The following CCDC62 variants were observed in gnomAD, a reference collection of about 807,000 sequenced individuals.
CCDC62 encodes coiled-coil domain-containing protein 62.
Under a neutral mutation model 80.8 loss-of-function variants are expected in CCDC62, and 72 were observed. The ratio of observed to expected loss-of-function variants is 0.89; its 90% CI spans 0.74 to 1.08. CCDC62 has a LOEUF of 1.08. Among genes scored for constraint, CCDC62 ranks in the 50% least tolerant of loss-of-function variants. The pLI is 0.00. For synonymous variants in CCDC62, 286 were observed against 296.5 expected (o/e 0.96, Z 0.36); for missense variants, 704 against 809.4 (o/e 0.87, Z 1.58).
intron 4 of CCDC62, 109 bp from the exon 5 acceptor site, chr12:122,788,649 A>G: frequency 1.5e-6 from 1 of 684,636 alleles, no homozygotes; most frequent in Non-Finnish European, 2.5e-6. Context: ...ATATGCGAAA[A>G]ATGCTTAGAG....
chr12:122,812,398 C>A, intron 10 of CCDC62, among the ~76,000 whole-genome samples: 1 of 142,088 alleles, frequency 7.0e-6, no homozygotes, highest in African/African-American at 2.6e-5. Flanking sequence ...GCTGAGGTTA[C>A]ACTATTGCAC....
intron 11 of CCDC62, among the ~76,000 whole-genome samples, chr12:122,822,090 C>CACACACACACACACACA (rs58333409): frequency 1.7e-5 from 2 of 119,338 alleles, no homozygotes; most frequent in Non-Finnish European, 1.7e-5. Context: ...CACACACACA[C>CACACACACACACACACA]GACATTATTT....
intron 10 of CCDC62, among the ~76,000 whole-genome samples, chr12:122,811,046 G>A (rs2031850353): frequency 6.6e-6 from 1 of 151,414 alleles, no homozygotes; most frequent in African/African-American, 2.4e-5. Flanking sequence ...GGGAGGGATA[G>A]CATTAAGAGA....
chr12:122,797,403 C>A lies in CCDC62; in HGVS notation c.861+8C>A. 1 of 1,481,860 alleles carries A rather than the reference C, an allele frequency of 6.7e-7. No homozygotes were observed. The highest frequency in any genetic ancestry group is 9.4e-7 in the Non-Finnish European group (1 of 1,061,402). 91.8% of individuals were successfully genotyped at this position (1,481,860 alleles called of 1,614,324 possible). A position where few individuals can be genotyped will look rare whatever the true frequency, so the allele number is the denominator to read the frequency against. On this transcript the variant is annotated splice_region_variant and intron_variant, in intron 7 of 12. Coordinates refer to ENST00000253079, the MANE Select transcript of CCDC62 (RefSeq NM_201435.5). The stretch of plus-strand genomic sequence containing the variant: ...CTGCACAATCTGAGACAGGTATGTC[C>A]CCAATCATCCTTCTCTGTCACATAA...
chr12:122,803,691 C>A (rs2031431832), intron 9 of CCDC62, among the ~76,000 whole-genome samples: 1 of 152,122 alleles, frequency 6.6e-6, no homozygotes, highest in African/African-American at 2.4e-5. Context: ...AGTCATTCTG[C>A]CAGTTGCAAA....
intron 3 of CCDC62, among the ~76,000 whole-genome samples, chr12:122,784,013 A>G (rs768296386): frequency 6.6e-6 from 1 of 152,190 alleles, no homozygotes; most frequent in African/African-American, 2.4e-5. Flanking sequence ...TGTACAGAAT[A>G]GTTTCACTGT....
intron 11 of CCDC62, among the ~76,000 whole-genome samples, chr12:122,819,172 G>T (rs1247921652): frequency 6.6e-6 from 1 of 152,112 alleles, no homozygotes; most frequent in African/African-American, 2.4e-5. Context: ...CTGGCAACAC[G>T]CTTTACAAAC....
rs1006142617 is a variant in CCDC62, at chr12:122,818,932, A to T, written c.2002-4434A>T. 5.9e-5 allele frequency among the ~76,000 whole-genome samples: 9 copies of T among 152,050 alleles called. No homozygotes were observed. In the East Asian group the frequency reaches 1.5e-3, roughly 26 times the overall value. On this transcript the variant is annotated intron_variant, in intron 11 of 12. Transcript: ENST00000253079. ...AGCAAGACCCTGTCTCAAAAAATAT[A>T]TTTTTTTCAGAGTGTTTGAGCTAGA...
intron 9 of CCDC62, among the ~76,000 whole-genome samples, chr12:122,804,603 G>A (rs2031482771): frequency 6.6e-6 from 1 of 152,120 alleles, no homozygotes; most frequent in Non-Finnish European, 1.5e-5. Flanking sequence ...CTGGGCAACA[G>A]CATGGCCCAT....
At chr12:122,799,793 G>A (rs1437232662) in intron 8 of CCDC62, among the ~76,000 whole-genome samples, 1 of 152,170 alleles carries the variant, frequency 6.6e-6, no homozygotes, top group Non-Finnish European at 1.5e-5. Flanking sequence ...AGTAGCTGCA[G>A]CACTGCAGGG....
intron 12 of CCDC62, among the ~76,000 whole-genome samples, chr12:122,824,626 A>G (rs2032540128): frequency 1.4e-5 from 2 of 139,290 alleles, no homozygotes; most frequent in African/African-American, 5.1e-5. Context: ...AAGAACTAAA[A>G]GTAGAACTCC....
intron 11 of CCDC62, among the ~76,000 whole-genome samples, chr12:122,818,614 A>G (rs1250801778): frequency 6.6e-6 from 1 of 151,892 alleles, no homozygotes; most frequent in Non-Finnish European, 1.5e-5. Context: ...AGAGTGGGAC[A>G]CTGTCTAAGA....
In CCDC62 at chr12:122,825,832, C is replaced by CAAA. The variant is rs111491915; in HGVS notation, c.*41-581_*41-579dup. On this transcript the variant is annotated intron_variant, in intron 12 of 12. Transcript: ENST00000253079. Reference sequence around the variant, plus strand: ...GAAACCCCGTCTCTACTAAAAATACCAAAAAAAAAAATTAGCCGGGCATGG... The same window carrying CAAA: ...GAAACCCCGTCTCTACTAAAAATACCAAAAAAAAAAAAAATTAGCCGGGCATGG... Among the ~76,000 whole-genome samples the CAAA allele has an allele frequency of 7.1e-3, 1,012 of 142,762 alleles. 17 individuals are homozygous for CAAA. Among genetic ancestry groups the CAAA allele is most frequent in the East Asian group, 0.065 (303 of 4,684 alleles). 93.7% of individuals were successfully genotyped at this position (142,762 alleles called of 152,430 possible).
intron 8 of CCDC62, 67 bp downstream of exon 8, chr12:122,798,267 A>G (rs375892541): frequency 2.4e-6 from 2 of 825,014 alleles, no homozygotes; most frequent in East Asian, 2.5e-5. Flanking sequence ...TTTACTGCGC[A>G]CTTACTGTTG....
At chr12:122,799,321 C>T (rs1027017445) in intron 8 of CCDC62, among the ~76,000 whole-genome samples, 1 of 152,064 alleles carries the variant, frequency 6.6e-6, no homozygotes, top group Non-Finnish European at 1.5e-5. Flanking sequence ...TCCATCCGTC[C>T]ATCCATCCAT....
intron 8 of CCDC62, among the ~76,000 whole-genome samples, chr12:122,800,728 CA>C (rs1277105595): frequency 6.6e-6 from 1 of 150,854 alleles, no homozygotes; most frequent in African/African-American, 2.5e-5. Context: ...CACCCGGCCT[CA>C]AAAAAAATTT....
At chr12:122,781,100 A>G (rs1437668533) in intron 2 of CCDC62, 64 bp from the exon 3 acceptor site, 46 of 1,343,006 alleles carry the variant, frequency 3.4e-5, no homozygotes, top group African/African-American at 8.8e-5. Flanking sequence ...TTAACCACCC[A>G]TTTTGAAAAT....
intron 8 of CCDC62, among the ~76,000 whole-genome samples, chr12:122,799,848 C>T (rs77908463): frequency 0.048 from 7,382 of 152,244 alleles, 303 homozygotes; most frequent in East Asian, 0.24. Context: ...CCCTGCTTTC[C>T]GCTGCACTTG....
intron 9 of CCDC62, among the ~76,000 whole-genome samples, chr12:122,803,091 G>C (rs1270820962): frequency 6.6e-6 from 1 of 152,062 alleles, no homozygotes; most frequent in Non-Finnish European, 1.5e-5. Context: ...TATTGCCCAG[G>C]CTGGTCTCGA....
Sources: gnomAD v4.1 joint callset for allele counts (sites outside exome capture counted in the v4.1 genomes callset) on GRCh38, gnomAD v4.1.1 for gene constraint, MANE v1.5 for transcripts, NCBI Gene and HGNC (gene_info 2026-07-23, HGNC 2026-07-21) for gene names.